GZMM: variants seen among roughly 807,000 people sequenced by gnomAD.
The protein encoded by GZMM is granzyme M.
GZMM carries 23 observed loss-of-function variants against 19.2 expected under a neutral mutation model. The observed-to-expected ratio is 1.20, with a 90% CI of 0.86 to 1.69. GZMM has a LOEUF of 1.69. Ranked by LOEUF, GZMM falls within the 40% of genes most tolerant of loss-of-function variation. The pLI is 0.00. For missense variants in GZMM, 373 were observed against 352.2 expected (o/e 1.06, Z -0.47); for synonymous variants, 178 against 160.2 (o/e 1.11, Z -0.84).
chr19:549,863 GTGA>G lies in GZMM; in HGVS notation c.*73_*75del. On this transcript the variant is annotated 3_prime_UTR_variant, in exon 5 of 5. Transcript: ENST00000264553. ...CCCCTCCAGGGGTGCAGTGGGGTGG[GTGA>G]GGACGGGTGGGAGGGACAGGGAGGG... 5 of 553,232 alleles carry G rather than the reference GTGA, an allele frequency of 9.0e-6. No homozygotes were observed. Among genetic ancestry groups the G allele is most frequent in the Non-Finnish European group, 1.6e-5 (5 of 303,214 alleles). The allele number at this position is 553,232 out of a possible 1,614,324, so 34.3% of individuals were successfully genotyped here.
At chr19:544,183 C>T in intron 1 of GZMM, 57 bp downstream of exon 1, 2 of 1,450,172 alleles carry the variant, frequency 1.4e-6, no homozygotes, top group Non-Finnish European at 1.9e-6. Context: ...TCGGTGGGTC[C>T]CTGGATGGGA....
chr19:545,645 C>T (rs569629920), intron 1 of GZMM, among the ~76,000 whole-genome samples: 30 of 149,800 alleles, frequency 2.0e-4, no homozygotes, highest in African/African-American at 6.9e-4. Flanking sequence ...CCGCGCCCGG[C>T]CTATTTTTTT....
At chr19:544,288 C>G (rs568444823) in intron 1 of GZMM, among the ~76,000 whole-genome samples, 162 bp downstream of exon 1, 4 of 152,286 alleles carry the variant, frequency 2.6e-5, no homozygotes, top group African/African-American at 9.6e-5. Flanking sequence ...GAGCTCCTCA[C>G]GCTTCACCCC....
Position 547,427 on chromosome 19 carries a change from T to A in GZMM, c.203T>A (p.Leu68Gln), listed in dbSNP as rs751910126. 1 of 1,471,382 alleles carries A rather than the reference T, an allele frequency of 6.8e-7. No individual in the cohort carries two copies. Among genetic ancestry groups the A allele is most frequent in the Non-Finnish European group, 9.0e-7 (1 of 1,109,782 alleles). The allele number at this position is 1,471,382 out of a possible 1,614,324, so 91.1% of individuals were successfully genotyped here. Residue 68 changes from leucine to glutamine, a missense_variant, in exon 2 of 5, where the codon CTG (leucine) becomes CAG (glutamine). Physicochemically the swap from Leu to Gln is moderately radical, Grantham distance 113. Transcript: ENST00000264553. Reference sequence around the variant, plus strand: ...TGGGTGCTGACGGCTGCCCACTGCCTGGCCCAGCGGTGAGTACCCTGCCCT... The same window carrying A: ...TGGGTGCTGACGGCTGCCCACTGCCAGGCCCAGCGGTGAGTACCCTGCCCT... ...PKWVLTAAHC[L>Q]AQRMAQLRLV...
chr19:549,735 A>T lies in GZMM; in HGVS notation c.718A>T (p.Thr240Ser). 6.2e-7 allele frequency: 1 copy of T among 1,613,712 alleles called. No individual in the cohort carries two copies. The highest frequency in any genetic ancestry group is 8.5e-7 in the Non-Finnish European group (1 of 1,179,900). The change falls in exon 5 of 5, where the codon ACC (threonine) becomes TCC (serine). Residue 240 changes from threonine to serine, a missense_variant. By Grantham distance (58) the Thr-to-Ser change is moderately conservative. Coordinates refer to ENST00000264553, the MANE Select transcript of GZMM (RefSeq NM_005317.4). ...CTDIFKPPVATAVAPYVSWIR... is the reference protein window; with the variant it reads ...CTDIFKPPVASAVAPYVSWIR... Reference sequence around the variant, plus strand: ...TGACATCTTCAAGCCTCCCGTGGCCACCGCTGTGGCGCCTTACGTGTCCTG... The same window carrying T: ...TGACATCTTCAAGCCTCCCGTGGCCTCCGCTGTGGCGCCTTACGTGTCCTG...
chr19:544,813 C>G (rs1980201799), intron 1 of GZMM, among the ~76,000 whole-genome samples: 1 of 142,442 alleles, frequency 7.0e-6, no homozygotes. Flanking sequence ...CATCCATCAT[C>G]CATCCCTCTA....
intron 2 of GZMM, among the ~76,000 whole-genome samples, chr19:547,655 C>T (rs2070798): frequency 0.033 from 5,033 of 152,298 alleles, 243 homozygotes; most frequent in African/African-American, 0.11. Flanking sequence ...CCTTCCACAC[C>T]GCAGCCTGGG....
chr19:549,212 G>A (rs1461445521), intron 4 of GZMM, 27 bp downstream of exon 4: 4 of 1,549,140 alleles, frequency 2.6e-6, no homozygotes, highest in Non-Finnish European at 3.5e-6. Context: ...TGGGGCTGGG[G>A]GAATGAGGCT....
chr19:545,098 C>CTCCGTCCCTTT (rs1568334496), intron 1 of GZMM, among the ~76,000 whole-genome samples: 2 of 125,918 alleles, frequency 1.6e-5, no homozygotes, highest in African/African-American at 7.1e-5. Context: ...TTCCTCCTTC[C>CTCCGTCCCTTT]ATCCCTCCTT....
chr19:549,238 G>A, intron 4 of GZMM, 53 bp downstream of exon 4: 2 of 1,495,496 alleles, frequency 1.3e-6, no homozygotes, highest in Non-Finnish European at 1.8e-6. Context: ...GAGGGCCGGG[G>A]CCAGGGCAGC....
intron 1 of GZMM, among the ~76,000 whole-genome samples, chr19:545,400 T>G (rs1363592855): frequency 1.3e-5 from 2 of 152,166 alleles, no homozygotes; most frequent in Non-Finnish European, 2.9e-5. Context: ...CAGGCTGGAG[T>G]GCGATGGTGC....
chr19:549,681 G>GT lies in GZMM; in HGVS notation c.665dup (p.Leu223ProfsTer10). The GT allele has an allele frequency of 1.2e-6, 2 of 1,613,790 alleles. No individual in the cohort carries two copies. Among genetic ancestry groups the GT allele is most frequent in the South Asian group, 2.2e-5 (2 of 91,090 alleles). On this transcript the variant is annotated frameshift_variant, in exon 5 of 5. Coordinates refer to ENST00000264553, the MANE Select transcript of GZMM (RefSeq NM_005317.4). LOFTEE classifies it low-confidence loss of function (END_TRUNC). ...TGGCAAAGGCCGGGTGTTGGCCAGAGTCCTGTCCTTCAGCTCCAGGGTCTG... is the reference window on the plus strand; with the variant it reads ...TGGCAAAGGCCGGGTGTTGGCCAGAGTTCCTGTCCTTCAGCTCCAGGGTCTG...
rs1435634600 is a variant in GZMM at position 549,113 on chromosome 19, C to A, written c.540C>A (p.Arg180=). 2 of 1,582,452 alleles carry A rather than the reference C, an allele frequency of 1.3e-6. No homozygotes were observed. Among genetic ancestry groups the A allele is most frequent in the East Asian group, 2.3e-5 (1 of 43,516 alleles). The part of the protein sequence containing the change: ...VLDTRMCNNS[R]FWNGSLSPSM... ...ACACCCGCATGTGTAACAACAGCCG[C>A]TTCTGGAACGGCAGCCTCTCCCCCA... The change falls in exon 4 of 5, where the codon CGC becomes CGA. Residue 180 remains arginine (R), a synonymous_variant. Transcript: ENST00000264553.
intron 1 of GZMM, among the ~76,000 whole-genome samples, chr19:545,481 G>A (rs1469824161): frequency 6.6e-6 from 1 of 152,058 alleles, no homozygotes; most frequent in Non-Finnish European, 1.5e-5. Context: ...CCGAGTAGCT[G>A]GGATTACAGG....
intron 1 of GZMM, among the ~76,000 whole-genome samples, chr19:544,527 G>T (rs1980183769): frequency 2.6e-5 from 4 of 152,134 alleles, no homozygotes; most frequent in African/African-American, 9.7e-5. Context: ...CTGGGACTAG[G>T]TGCCCAGCAG....
intron 1 of GZMM, among the ~76,000 whole-genome samples, chr19:546,066 C>T (rs1248211395): frequency 1.2e-4 from 3 of 24,716 alleles, no homozygotes; most frequent in African/African-American, 2.3e-4. Context: ...AGGCGTGAGC[C>T]ACTGCACCGG....
intron 1 of GZMM, 74 bp from the exon 2 acceptor site, chr19:547,206 C>G: frequency 7.4e-7 from 1 of 1,350,282 alleles, no homozygotes; most frequent in Admixed American, 2.9e-5. Flanking sequence ...GGCCTCTGAG[C>G]TGGGCAAGGA....
rs1440890665 is a variant in GZMM at position 548,601 on chromosome 19, T to G, written c.272T>G (p.Phe91Cys). Reference sequence around the variant, plus strand: ...ACCCTGGACAGCCCCGGTCTCACCTTCCACATCAAGGCAGCCATCCAGCAC... The same window carrying G: ...ACCCTGGACAGCCCCGGTCTCACCTGCCACATCAAGGCAGCCATCCAGCAC... ...LHTLDSPGLT[F>C]HIKAAIQHPR... Residue 91 changes from phenylalanine to cysteine, a missense_variant, in exon 3 of 5, where the codon TTC becomes TGC. Phe to Cys is a radical substitution (Grantham distance 205). Coordinates refer to ENST00000264553, the MANE Select transcript of GZMM (RefSeq NM_005317.4). The G allele has an allele frequency of 1.9e-6, 3 of 1,613,496 alleles. No homozygotes were observed. The highest frequency in any genetic ancestry group is 3.3e-5 in the Admixed American group (2 of 60,014).
rs1458210653 is a variant in GZMM, at chr19:544,075, G to C, written c.4G>C (p.Glu2Gln). 6.5e-7 allele frequency: 1 copy of C among 1,548,514 alleles called. No individual in the cohort carries two copies. The highest frequency in any genetic ancestry group is 2.0e-5 in the Admixed American group (1 of 50,992). MEACVSSLLVLA... is the reference protein window; with the variant it reads MQACVSSLLVLA... ...CACACTGGGTCTCCACAGCGGCATG[G>C]AGGCCTGCGTGTCTTCACTGCTGGT... Residue 2 changes from glutamate to glutamine, a missense_variant, in exon 1 of 5, where the codon GAG (glutamate) becomes CAG (glutamine). Coordinates refer to ENST00000264553, the MANE Select transcript of GZMM (RefSeq NM_005317.4).
Sources: gnomAD v4.1 joint callset for allele counts (sites outside exome capture counted in the v4.1 genomes callset) on GRCh38, gnomAD v4.1.1 for gene constraint, MANE v1.5 for transcripts, NCBI Gene and HGNC (gene_info 2026-07-23, HGNC 2026-07-21) for gene names.